The following DNASE1 variants were observed in gnomAD, a reference collection of about 807,000 sequenced individuals.
DNASE1 encodes the protein deoxyribonuclease-1.
DNASE1 carries 40 observed loss-of-function variants against 33.9 expected under a neutral mutation model. The observed-to-expected ratio is 1.18, with a 90% CI of 0.92 to 1.54. DNASE1 has a LOEUF of 1.54. DNASE1 is among the 40% of genes most tolerant of loss of function. The probability of loss-of-function intolerance (pLI) is 0.00; values close to 1 mark genes in which losing one functional copy is unlikely to be tolerated. For missense variants in DNASE1, 518 were observed against 372.6 expected (o/e 1.39, Z -3.21); for synonymous variants, 216 against 160.0 (o/e 1.35, Z -2.64).
intron 1 of DNASE1, among the ~76,000 whole-genome samples, chr16:3,622,420 T>G (rs995954587): frequency 6.6e-6 from 1 of 152,202 alleles, no homozygotes; most frequent in Admixed American, 6.6e-5. Flanking sequence ...GATTAAAAGC[T>G]ACTTGTTTAC....
chr16:3,614,357 A>G (rs2041025273), intron 1 of DNASE1, among the ~76,000 whole-genome samples: 1 of 152,166 alleles, frequency 6.6e-6, no homozygotes, highest in Admixed American at 6.5e-5. Context: ...CTGGCCTGAA[A>G]TAATTTACTT....
intron 1 of DNASE1, among the ~76,000 whole-genome samples, chr16:3,633,658 G>T (rs1329485629): frequency 1.3e-5 from 2 of 151,166 alleles, no homozygotes; most frequent in African/African-American, 4.9e-5. Context: ...GGTATTTACA[G>T]TTACAACTAA....
At chr16:3,649,858 A>G (rs1378006377), upstream of DNASE1, among the ~76,000 whole-genome samples, 1 of 151,448 alleles carries the variant, frequency 6.6e-6, no homozygotes, top group Non-Finnish European at 1.5e-5. Context: ...TAGGCATGAC[A>G]TGGGCCTTCA....
chr16:3,624,732 G>A (rs565571083), intron 1 of DNASE1, among the ~76,000 whole-genome samples: 6 of 152,258 alleles, frequency 3.9e-5, no homozygotes, highest in Admixed American at 3.3e-4. Flanking sequence ...CCAGGCTGGA[G>A]TGCAGTAGTG....
chr16:3,612,425 G>A (rs1179963010), intron 1 of DNASE1, among the ~76,000 whole-genome samples: 1 of 151,338 alleles, frequency 6.6e-6, no homozygotes, highest in East Asian at 1.9e-4. Flanking sequence ...TAATTTTTGT[G>A]TTTTTAGTAG....
chr16:3,645,732 G>C (rs1297359602), intron 1 of DNASE1, among the ~76,000 whole-genome samples: 1 of 152,248 alleles, frequency 6.6e-6, no homozygotes, highest in Non-Finnish European at 1.5e-5. Flanking sequence ...CTGTGCAGCT[G>C]TTGTAAGTCT....
At chr16:3,648,694 A>G (rs1482052066) in intron 1 of DNASE1, among the ~76,000 whole-genome samples, 1 of 152,230 alleles carries the variant, frequency 6.6e-6, no homozygotes, top group Non-Finnish European at 1.5e-5. Flanking sequence ...AATAAGAGCC[A>G]TTACAAACTT....
chr16:3,643,071 C>G (rs896565367), intron 1 of DNASE1: 1 of 152,540 alleles, frequency 6.6e-6, no homozygotes, highest in African/African-American at 2.4e-5. Flanking sequence ...ACAGGCTCTT[C>G]TCCCTGGGGC....
intron 5 of DNASE1, 73 bp downstream of exon 5, chr16:3,656,826 A>G (rs1596653862): frequency 6.5e-7 from 1 of 1,545,200 alleles, no homozygotes; most frequent in Admixed American, 1.9e-5. Flanking sequence ...GGGAACCTGG[A>G]ATGCCTGTGT....
intron 1 of DNASE1, among the ~76,000 whole-genome samples, chr16:3,647,711 G>A (rs2042216007): frequency 6.6e-6 from 1 of 152,268 alleles, no homozygotes. Context: ...GTATGTGACT[G>A]TAAAATATAA....
downstream of DNASE1, chr16:3,661,004 AT>A (rs1253152205): frequency 1.3e-5 from 2 of 152,062 alleles, no homozygotes; most frequent in African/African-American, 4.8e-5. Flanking sequence ...GCTGTTTTCT[AT>A]TTTTGGTAAC....
At chr16:3,635,840 T>C (rs2151184358) in intron 1 of DNASE1, among the ~76,000 whole-genome samples, 1 of 152,328 alleles carries the variant, frequency 6.6e-6, no homozygotes, top group African/African-American at 2.4e-5. Flanking sequence ...CTGTGGCTTC[T>C]CTCAAGATTT....
At chr16:3,627,937 CA>C (rs55920324) in intron 1 of DNASE1, among the ~76,000 whole-genome samples, 17,653 of 80,274 alleles carry the variant, frequency 0.22, 761 homozygotes, top group East Asian at 0.31. Context: ...TCTATTTCTG[CA>C]AAAAAAAAAA....
At chr16:3,635,854 CTT>C (rs1187925678) in intron 1 of DNASE1, among the ~76,000 whole-genome samples, 2 of 151,996 alleles carry the variant, frequency 1.3e-5, no homozygotes, top group African/African-American at 2.4e-5. Context: ...AAGATTTTCT[CTT>C]TGTCTTTGAT....
chr16:3,617,326 C>CAAAAAAAAAAAAAA (rs56670885), intron 1 of DNASE1, among the ~76,000 whole-genome samples: 35 of 57,706 alleles, frequency 6.1e-4, no homozygotes, highest in African/African-American at 1.9e-3. Flanking sequence ...AACTCCATCT[C>CAAAAAAAAAAAAAA]AAAAAAAAAA....
chr16:3,655,651 G>T, intron 2 of DNASE1, 131 bp downstream of exon 2: 1 of 1,481,938 alleles, frequency 6.7e-7, no homozygotes, highest in Non-Finnish European at 9.3e-7. Context: ...CAGCACGGTG[G>T]AACAGGCTCT....
Position 3,657,339 on chromosome 16 carries a change from C to T in DNASE1, c.702C>T (p.Asp234=), listed in dbSNP as rs1243577986. 3 of 1,612,936 alleles carry T rather than the reference C, an allele frequency of 1.9e-6. No homozygotes were observed. The highest frequency in any genetic ancestry group is 1.1e-5 in the South Asian group (1 of 91,080). The change falls in exon 7 of 9, where the codon GAC becomes GAT. Residue 234 remains aspartate (D), a splice_region_variant and synonymous_variant. Transcript: ENST00000246949. ...TTATPTHCAY[D]RIVVAGMLLR... ...CTACACCCACGCACTGTGCCTATGA[C>T]AGGTGAGCAGGGCCTCGCGCTTAGG...
At chr16:3,658,363 T>G, downstream of DNASE1, 1 of 711,440 alleles carries the variant, frequency 1.4e-6, no homozygotes, top group Non-Finnish European at 2.3e-6. Context: ...CAACCTCAGG[T>G]GATCCCCCCG....
intron 1 of DNASE1, 75 bp from the exon 2 acceptor site, chr16:3,655,298 C>T (rs1005447090): frequency 1.9e-6 from 3 of 1,597,640 alleles, no homozygotes; most frequent in Non-Finnish European, 2.6e-6. Context: ...GCCAGCTGGG[C>T]TCCAGAAGGC....
Sources: gnomAD v4.1 joint callset for allele counts (sites outside exome capture counted in the v4.1 genomes callset) on GRCh38, gnomAD v4.1.1 for gene constraint, MANE v1.5 for transcripts, NCBI Gene and HGNC (gene_info 2026-07-23, HGNC 2026-07-21) for gene names.